The following CORIN variants were observed in gnomAD, a reference collection of about 807,000 sequenced individuals.
CORIN encodes the protein corin, serine peptidase.
Under a neutral mutation model 125.3 loss-of-function variants are expected in CORIN, and 117 were observed. The observed-to-expected ratio is 0.93, with a 90% confidence interval of 0.80 to 1.09. The LOEUF is 1.09. Among genes scored for constraint, CORIN ranks in the 50% least tolerant of loss-of-function variants. CORIN has a pLI of 0.00. For missense variants in CORIN, 1,253 were observed against 1,306.7 expected (o/e 0.96, Z 0.63); for synonymous variants, 450 against 466.4 (o/e 0.96, Z 0.45).
At chr4:47,618,576 T>C (rs1221012778) in intron 19 of CORIN, among the ~76,000 whole-genome samples, 3 of 151,682 alleles carry the variant, frequency 2.0e-5, no homozygotes, top group African/African-American at 7.3e-5. Flanking sequence ...TCCCAGCACT[T>C]TGGGAGGCCG....
At chr4:47,781,356 A>G (rs1480103625) in intron 3 of CORIN, among the ~76,000 whole-genome samples, 3 of 152,198 alleles carry the variant, frequency 2.0e-5, no homozygotes. Flanking sequence ...TTTAATAGAA[A>G]CTGTATTTTG....
intron 3 of CORIN, among the ~76,000 whole-genome samples, chr4:47,774,535 T>C (rs1184545832): frequency 1.3e-5 from 2 of 152,184 alleles, no homozygotes; most frequent in African/African-American, 2.4e-5. Context: ...TAAAATAAAC[T>C]TAAAAATATG....
chr4:47,733,259 G>A (rs1244540433), intron 5 of CORIN, among the ~76,000 whole-genome samples: 1 of 152,210 alleles, frequency 6.6e-6, no homozygotes, highest in African/African-American at 2.4e-5. Context: ...TAAAGGGCTT[G>A]AGAGACATGC....
intron 9 of CORIN, among the ~76,000 whole-genome samples, chr4:47,676,533 G>C (rs1725025551): frequency 6.6e-6 from 1 of 152,158 alleles, no homozygotes; most frequent in African/African-American, 2.4e-5. Context: ...GCATTGACTT[G>C]CCTAATAATT....
At chr4:47,763,345 C>T in intron 4 of CORIN, 34 bp downstream of exon 4, 6 of 1,560,624 alleles carry the variant, frequency 3.8e-6, no homozygotes, top group Non-Finnish European at 5.3e-6. Flanking sequence ...CTATAACCAA[C>T]TCTTATCACT....
chr4:47,821,875 A>T (rs1732531904), intron 1 of CORIN, among the ~76,000 whole-genome samples: 1 of 152,208 alleles, frequency 6.6e-6, no homozygotes, highest in African/African-American at 2.4e-5. Context: ...AGTTCTATAA[A>T]TGTTTAATAC....
intron 16 of CORIN, among the ~76,000 whole-genome samples, chr4:47,636,238 C>T (rs996190257): frequency 1.3e-5 from 2 of 152,124 alleles, no homozygotes; most frequent in African/African-American, 4.8e-5. Context: ...AATCATATGA[C>T]CCAGACACAC....
chr4:47,606,175 C>A (rs1416545926), intron 19 of CORIN, among the ~76,000 whole-genome samples: 1 of 152,084 alleles, frequency 6.6e-6, no homozygotes, highest in Non-Finnish European at 1.5e-5. Context: ...TGAAGGTAGA[C>A]AATTAAATAA....
intron 1 of CORIN, among the ~76,000 whole-genome samples, chr4:47,827,947 T>C (rs1732813396): frequency 1.3e-5 from 2 of 152,188 alleles, no homozygotes; most frequent in South Asian, 4.1e-4. Context: ...CCAGAGTAGA[T>C]ACCCTCAGAG....
intron 3 of CORIN, among the ~76,000 whole-genome samples, chr4:47,773,921 A>G (rs988651100): frequency 6.6e-6 from 1 of 151,800 alleles, no homozygotes; most frequent in Admixed American, 6.6e-5. Flanking sequence ...TATTTATTAT[A>G]TACCTTTTGG....
intron 17 of CORIN, among the ~76,000 whole-genome samples, chr4:47,625,858 A>G (rs1289814669): frequency 5.9e-5 from 9 of 152,192 alleles, no homozygotes; most frequent in Admixed American, 5.9e-4. Flanking sequence ...CCTATAAAGT[A>G]ATAAGAACTT....
intron 19 of CORIN, among the ~76,000 whole-genome samples, 191 bp downstream of exon 19, chr4:47,623,380 C>T (rs973438660): frequency 2.6e-5 from 4 of 152,052 alleles, no homozygotes; most frequent in African/African-American, 9.7e-5. Flanking sequence ...CCATTTCCAA[C>T]AAATGAGCAG....
At chr4:47,703,031 C>G (rs1726379800) in intron 5 of CORIN, among the ~76,000 whole-genome samples, 1 of 151,766 alleles carries the variant, frequency 6.6e-6, no homozygotes, top group Non-Finnish European at 1.5e-5. Context: ...AACCCGTCAT[C>G]TACATTAGGT....
intron 3 of CORIN, among the ~76,000 whole-genome samples, chr4:47,770,851 A>G (rs1729995515): frequency 6.6e-6 from 1 of 152,182 alleles, no homozygotes; most frequent in Non-Finnish European, 1.5e-5. Flanking sequence ...AGAGAGTAAA[A>G]TGATGGCTAC....
intron 2 of CORIN, among the ~76,000 whole-genome samples, chr4:47,806,264 C>T (rs1731790432): frequency 6.6e-6 from 1 of 152,114 alleles, no homozygotes; most frequent in South Asian, 2.1e-4. Context: ...AAAGCTAAAG[C>T]CCAAATTCCT....
intron 2 of CORIN, among the ~76,000 whole-genome samples, chr4:47,792,593 A>G (rs114493371): frequency 0.016 from 2,373 of 152,230 alleles, 68 homozygotes; most frequent in African/African-American, 0.053. Context: ...CCCCAACTGA[A>G]TTGGTGTCAT....
intron 5 of CORIN, among the ~76,000 whole-genome samples, chr4:47,741,022 TAATTAGTCACCTTGTATTAGCC>T (rs1728368959): frequency 6.6e-6 from 1 of 151,844 alleles, no homozygotes. Context: ...AAGGAATAAA[TAATTAGTCACCTTGTATTAGCC>T]AATTTTTAAA....
intron 7 of CORIN, 189 bp downstream of exon 7, chr4:47,683,542 G>T (rs753386254): frequency 5.1e-5 from 24 of 474,534 alleles, no homozygotes; most frequent in Middle Eastern, 5.6e-4. Context: ...GATTTTTTAG[G>T]TATTACATTT....
intron 19 of CORIN, among the ~76,000 whole-genome samples, chr4:47,620,772 T>C (rs890551669): frequency 1.3e-5 from 2 of 152,242 alleles, no homozygotes; most frequent in Non-Finnish European, 2.9e-5. Flanking sequence ...ATAGACTGTT[T>C]CACTTCCTGC....
Sources: gnomAD v4.1 joint callset for allele counts (sites outside exome capture counted in the v4.1 genomes callset) on GRCh38, gnomAD v4.1.1 for gene constraint, MANE v1.5 for transcripts, NCBI Gene and HGNC (gene_info 2026-07-23, HGNC 2026-07-21) for gene names.